Variants in FBXL19 observed in about 807,000 individuals in gnomAD.
The protein encoded by FBXL19 is F-box/LRR-repeat protein 19.
Under a neutral mutation model 71.2 loss-of-function variants are expected in FBXL19, and 16 were observed. That is an observed-to-expected ratio of 0.22 (90% CI 0.15 to 0.34). FBXL19 has a LOEUF of 0.34. Among genes scored for constraint, FBXL19 ranks in the 10% least tolerant of loss-of-function variants. FBXL19 has a pLI of 1.00. For missense variants in FBXL19, 658 were observed against 968.2 expected (o/e 0.68, Z 4.25); for synonymous variants, 447 against 409.4 (o/e 1.09, Z -1.11).
intron 7 of FBXL19, among the ~76,000 whole-genome samples, chr16:30,941,402 C>T (rs965778500): frequency 3.3e-5 from 5 of 152,148 alleles, no homozygotes; most frequent in African/African-American, 9.7e-5. Context: ...ATTGCTTGAG[C>T]CCAGTAGGTT....
chr16:30,929,936 T>TC, intron 6 of FBXL19, 137 bp from the exon 7 acceptor site: 2 of 1,161,382 alleles, frequency 1.7e-6, no homozygotes, highest in Non-Finnish European at 2.4e-6. Context: ...GCAAGGTCTC[T>TC]CACTGTCCGG....
Position 30,942,083 on chromosome 16 carries a change from C to T in FBXL19, c.1302-33C>T. On this transcript the variant is annotated intron_variant, in intron 7 of 10. Coordinates refer to ENST00000338343, the MANE Select transcript of FBXL19 (RefSeq NM_001382779.1). The surrounding 1 kb of genome is among the most constrained non-coding windows in gnomAD (Gnocchi z 5.7). ...ACTGTGGGCTGCTGAGAGCTGAGGG[C>T]TGAGGTCTCTGTCTCCCCCCTATGG... 1 of 1,514,608 alleles carries T rather than the reference C, an allele frequency of 6.6e-7. No homozygotes were observed. Among genetic ancestry groups the T allele is most frequent in the Non-Finnish European group, 8.9e-7 (1 of 1,126,588 alleles). The allele number at this position is 1,514,608 out of a possible 1,614,324, so 93.8% of individuals were successfully genotyped here.
chr16:30,929,077 CA>C (rs2055638906), intron 6 of FBXL19, among the ~76,000 whole-genome samples: 1 of 152,096 alleles, frequency 6.6e-6, no homozygotes, highest in Non-Finnish European at 1.5e-5. Flanking sequence ...AAAATTTACC[CA>C]GATTGAAGGG....
intron 7 of FBXL19, among the ~76,000 whole-genome samples, chr16:30,940,969 C>T (rs1245882841): frequency 6.6e-6 from 1 of 152,000 alleles, no homozygotes; most frequent in Non-Finnish European, 1.5e-5. Context: ...GCACCCAGCC[C>T]ACTGCATGTT....
rs1360966726 is a variant in FBXL19 at position 30,924,384 on chromosome 16, C to A, written c.-100C>A. 3.2e-5 allele frequency: 6 copies of A among 189,828 alleles called. No individual in the cohort carries two copies. The highest frequency in any genetic ancestry group is 6.5e-5 in the Non-Finnish European group (6 of 92,604). 11.8% of individuals were successfully genotyped at this position (189,828 alleles called of 1,614,324 possible). On this transcript the variant is annotated 5_prime_UTR_variant, in exon 1 of 11. Coordinates refer to ENST00000338343, the MANE Select transcript of FBXL19 (RefSeq NM_001382779.1). ...GCGTTCCGCGCCCCGCGCCGCCCGG[C>A]CCCCCCGCCGCCGATGGCCGCCGAC...
In FBXL19 at chr16:30,923,613, A is replaced by G. The variant is rs1417509478; in HGVS notation, c.-871A>G. 6.7e-5 allele frequency among the ~76,000 whole-genome samples: 10 copies of G among 148,622 alleles called. No homozygotes were observed. The highest frequency in any genetic ancestry group is 1.5e-4 in the Non-Finnish European group (10 of 66,886). ...GGAAGGAGCTGAGGAGGGATGAGAGAGGCGGCCAGGGCCCCGGGCCGTAGC... is the reference window on the plus strand; with the variant it reads ...GGAAGGAGCTGAGGAGGGATGAGAGGGGCGGCCAGGGCCCCGGGCCGTAGC... On this transcript the variant is annotated 5_prime_UTR_variant, in exon 1 of 11. Coordinates refer to ENST00000338343, the MANE Select transcript of FBXL19 (RefSeq NM_001382779.1).
At chr16:30,941,168 G>A (rs1875341286) in intron 7 of FBXL19, among the ~76,000 whole-genome samples, 2 of 152,298 alleles carry the variant, frequency 1.3e-5, no homozygotes, top group South Asian at 4.1e-4. Context: ...GTAGTTACTA[G>A]CTTGATTCAT....
intron 7 of FBXL19, among the ~76,000 whole-genome samples, chr16:30,934,595 T>C (rs1596653462): frequency 1.3e-5 from 2 of 151,422 alleles, no homozygotes; most frequent in Admixed American, 1.3e-4. Context: ...GAGGCGGAGG[T>C]TGCAGTGAGC....
In FBXL19 at chr16:30,927,762, T is replaced by G; in HGVS notation, c.426T>G (p.Pro142=). 6.4e-7 allele frequency: 1 copy of G among 1,556,598 alleles called. No individual in the cohort carries two copies. The part of the protein sequence containing the change: ...GRTSKDSGEG[P]GRRRADNGEE... ...CCGCCTAGGATTCAGGTGAGGGGCCTGGCCGCCGTAGGGCCGACAACGGCG... is the reference window on the plus strand; with the variant it reads ...CCGCCTAGGATTCAGGTGAGGGGCCGGGCCGCCGTAGGGCCGACAACGGCG... Residue 142 remains proline, a synonymous_variant, in exon 5 of 11, where the codon CCT becomes CCG. Coordinates refer to ENST00000338343, the MANE Select transcript of FBXL19 (RefSeq NM_001382779.1).
At chr16:30,941,322 GT>G (rs2055800227) in intron 7 of FBXL19, among the ~76,000 whole-genome samples, 1 of 151,916 alleles carries the variant, frequency 6.6e-6, no homozygotes, top group Admixed American at 6.6e-5. Context: ...CAAAAAAATT[GT>G]TTAAAAATTA....
chr16:30,946,092 A>C lies in FBXL19; in HGVS notation c.1628-638A>C, dbSNP rs1391580707. On this transcript the variant is annotated intron_variant, in intron 9 of 10. Transcript: ENST00000338343. The surrounding 1 kb of genome is among the most constrained non-coding windows in gnomAD (Gnocchi z 6.7). ...GGAAGTATCGTGCCTGCGTCTGCTC[A>C]GCTTCTGGGGAAGCCTCACGTAGCT... 6.6e-6 allele frequency among the ~76,000 whole-genome samples: 1 copy of C among 152,184 alleles called. No homozygotes were observed. The highest frequency in any genetic ancestry group is 2.4e-5 in the African/African-American group (1 of 41,432).
chr16:30,931,042 G>A (rs1017976505), intron 7 of FBXL19, among the ~76,000 whole-genome samples: 4 of 152,020 alleles, frequency 2.6e-5, no homozygotes, highest in Admixed American at 6.6e-5. Flanking sequence ...TTAGGAGAAC[G>A]CCATGTGCTG....
At chr16:30,928,342 T>G (rs1463527050) in intron 5 of FBXL19, 125 bp from the exon 6 acceptor site, 2 of 1,055,422 alleles carry the variant, frequency 1.9e-6, no homozygotes, top group Non-Finnish European at 2.6e-6. Flanking sequence ...ATGCTCAGAG[T>G]TATCCCTGGG....
rs1415660713 is a variant in FBXL19, at chr16:30,925,015, C to G, written c.-25+556C>G. Among the ~76,000 whole-genome samples, 2 of 152,120 alleles carry G rather than the reference C, an allele frequency of 1.3e-5. No homozygotes were observed. Among genetic ancestry groups the G allele is most frequent in the Admixed American group, 1.3e-4 (2 of 15,274 alleles). On this transcript the variant is annotated intron_variant, in intron 1 of 10. Coordinates refer to ENST00000338343, the MANE Select transcript of FBXL19 (RefSeq NM_001382779.1). The surrounding 1 kb of genome is among the most constrained non-coding windows in gnomAD (Gnocchi z 5.0). ...CTGAGGGATCCAAGAGGAGGGTGTC[C>G]TGGAGGAGGGAACCCTGTGGGGAAC...
chr16:30,927,022 G>A (rs1290014097), intron 2 of FBXL19, among the ~76,000 whole-genome samples: 1 of 152,212 alleles, frequency 6.6e-6, no homozygotes, highest in African/African-American at 2.4e-5. Context: ...ACAGTCACAG[G>A]TGATAACAGC....
intron 7 of FBXL19, among the ~76,000 whole-genome samples, chr16:30,937,711 C>T (rs1213252480): frequency 6.6e-6 from 1 of 152,122 alleles, no homozygotes; most frequent in African/African-American, 2.4e-5. Flanking sequence ...ACAGCATGTG[C>T]CACAACGTGT....
chr16:30,946,843 G>A lies in FBXL19; in HGVS notation c.1741G>A (p.Ala581Thr), dbSNP rs748193871. Residue 581 changes from alanine (A) to threonine (T), a missense_variant, in exon 10 of 11, where the codon GCC becomes ACC. By Grantham distance (58) the Ala-to-Thr change is moderately conservative. Coordinates refer to ENST00000338343, the MANE Select transcript of FBXL19 (RefSeq NM_001382779.1). This position sits in a 1 kb window ranked among gnomAD's most constrained non-coding sequence, Gnocchi z 6.7. ...LLLRHAPQLS[A>T]LDLSHCAHVG... ...GCTGCGTCACGCACCCCAGCTGAGCGCCCTGGACCTGAGCCACTGCGCCCA... is the reference window on the plus strand; with the variant it reads ...GCTGCGTCACGCACCCCAGCTGAGCACCCTGGACCTGAGCCACTGCGCCCA... 1.2e-5 allele frequency: 20 copies of A among 1,612,028 alleles called. No individual in the cohort carries two copies. Among genetic ancestry groups the A allele is most frequent in the African/African-American group, 5.3e-5 (4 of 74,886 alleles).
chr16:30,947,307 A>C lies in FBXL19; in HGVS notation c.*77A>C. 7.9e-7 allele frequency: 1 copy of C among 1,269,000 alleles called. No individual in the cohort carries two copies. Among genetic ancestry groups the C allele is most frequent in the South Asian group, 1.5e-5 (1 of 65,948 alleles). The allele number at this position is 1,269,000 out of a possible 1,614,324, so 78.6% of individuals were successfully genotyped here. On this transcript the variant is annotated 3_prime_UTR_variant, in exon 11 of 11. Coordinates refer to ENST00000338343, the MANE Select transcript of FBXL19 (RefSeq NM_001382779.1). Reference sequence around the variant, plus strand: ...TTCATTTCACCCCTGCTGGGAGGCCAGGTTCCCACCTCACCACCCTGGGAT... The same window carrying C: ...TTCATTTCACCCCTGCTGGGAGGCCCGGTTCCCACCTCACCACCCTGGGAT...
At chr16:30,922,911 G>A (rs1021952325), upstream of FBXL19, 1 of 397,456 alleles carries the variant, frequency 2.5e-6, no homozygotes, top group Non-Finnish European at 5.2e-6. Context: ...ACCGGGAGAG[G>A]CTAGGTAGCC....
Sources: allele counts gnomAD v4.1 joint callset (sites outside exome capture counted in the v4.1 genomes callset), GRCh38; gene constraint gnomAD v4.1.1; non-coding constraint Gnocchi (gnomAD v3.1); transcripts MANE v1.5; gene names NCBI Gene and HGNC (gene_info 2026-07-23, HGNC 2026-07-21).